The following PHF14 variants were observed in gnomAD, a reference collection of about 807,000 sequenced individuals.
PHF14 encodes PHD finger protein 14.
In PHF14, 55 loss-of-function variants were observed where a neutral mutation model predicts 117.9. The ratio of observed to expected loss-of-function variants is 0.47; its 90% CI spans 0.38 to 0.58. The LOEUF (loss-of-function observed/expected upper bound fraction) is 0.58, where lower values mean the gene tolerates loss of function less well. Among genes scored for constraint, PHF14 ranks in the 20% least tolerant of loss-of-function variants. The pLI is 0.00. For synonymous variants in PHF14, 409 were observed against 368.6 expected, an observed-to-expected ratio of 1.11 and a Z score of -1.26; for missense variants, 978 against 1,122.2, an observed-to-expected ratio of 0.87 and a Z score of 1.84.
intron 4 of PHF14, among the ~76,000 whole-genome samples, chr7:11,009,283 C>G (rs1783253447): frequency 1.3e-5 from 2 of 152,036 alleles, no homozygotes; most frequent in Non-Finnish European, 2.9e-5. Context: ...GTCCACTGGC[C>G]CCTGTGTGAA....
chr7:11,007,311 C>T (rs985155296), intron 4 of PHF14, among the ~76,000 whole-genome samples: 2 of 151,596 alleles, frequency 1.3e-5, no homozygotes, highest in Admixed American at 6.6e-5. Flanking sequence ...CAAATATTTT[C>T]CATCCTTGCA....
intron 4 of PHF14, among the ~76,000 whole-genome samples, chr7:11,011,049 A>G (rs1273529218): frequency 6.6e-6 from 1 of 152,230 alleles, no homozygotes; most frequent in African/African-American, 2.4e-5. Context: ...TGTGTAAGTC[A>G]TAGCTGCAAA....
intron 4 of PHF14, among the ~76,000 whole-genome samples, chr7:11,009,729 C>A (rs574355256): frequency 6.6e-6 from 1 of 152,268 alleles, no homozygotes; most frequent in South Asian, 2.1e-4. Flanking sequence ...GTAAAGAACT[C>A]TATAAAGGTA....
At chr7:10,976,389 A>G (rs1320157336) in intron 2 of PHF14, among the ~76,000 whole-genome samples, 1 of 152,176 alleles carries the variant, frequency 6.6e-6, no homozygotes, top group Non-Finnish European at 1.5e-5. Context: ...TTGGCAGATA[A>G]GAATATTCCT....
chr7:11,049,474 CAAAAA>C (rs11342926), intron 13 of PHF14, among the ~76,000 whole-genome samples: 1 of 110,376 alleles, frequency 9.1e-6, no homozygotes. Context: ...GACTGTCTCT[CAAAAA>C]AAAAAAAAAA....
Position 11,051,774 on chromosome 7 carries a change from A to G in PHF14, c.2475A>G (p.Arg825=). 6.2e-7 allele frequency: 1 copy of G among 1,612,930 alleles called. No individual in the cohort carries two copies. Among genetic ancestry groups the G allele is most frequent in the Non-Finnish European group, 8.5e-7 (1 of 1,179,278 alleles). ...CAGAACCCAAGAAGATTCCGATAAG[A>G]AACACGGTAGTTTATTTTTTATTTA... ...VPPEPKKIPI[R]NTRTRGRKRS... The change falls in exon 14 of 18, where the codon AGA becomes AGG. Residue 825 remains arginine (R), a synonymous_variant. Coordinates refer to ENST00000634607, the MANE Select transcript of PHF14 (RefSeq NM_001007157.2).
At chr7:11,100,068 A>G (rs1350866072) in intron 16 of PHF14, among the ~76,000 whole-genome samples, 1 of 152,032 alleles carries the variant, frequency 6.6e-6, no homozygotes, top group Non-Finnish European at 1.5e-5. Context: ...TGAAAAGCCA[A>G]CTATATTGTT....
intron 17 of PHF14, among the ~76,000 whole-genome samples, chr7:11,121,429 A>T (rs1157088686): frequency 6.6e-6 from 1 of 152,182 alleles, no homozygotes; most frequent in Non-Finnish European, 1.5e-5. Flanking sequence ...TCTTTTAGAA[A>T]GGTAGACTCT....
intron 17 of PHF14, among the ~76,000 whole-genome samples, chr7:11,143,868 A>G (rs1191568683): frequency 6.6e-6 from 1 of 152,166 alleles, no homozygotes; most frequent in East Asian, 1.9e-4. Flanking sequence ...CCAAAAATTG[A>G]CAAATGGAAC....
intron 17 of PHF14, among the ~76,000 whole-genome samples, chr7:11,136,968 C>T (rs897363203): frequency 6.6e-6 from 1 of 152,164 alleles, no homozygotes; most frequent in Non-Finnish European, 1.5e-5. Flanking sequence ...GAAATAACCA[C>T]TACTAACATT....
intron 14 of PHF14, among the ~76,000 whole-genome samples, chr7:11,052,370 C>T (rs1274773752): frequency 3.9e-5 from 6 of 151,974 alleles, no homozygotes; most frequent in African/African-American, 1.4e-4. Flanking sequence ...AGATTATTAC[C>T]TAGTTTTTCT....
chr7:11,155,485 C>A lies in PHF14; in HGVS notation c.2773-13931C>A, dbSNP rs115073334. ...TTCTCACTGGGCTTTGGCTGACTTA[C>A]CCTTCCCACTGTTCCCTTTACTTAG... On this transcript the variant is annotated intron_variant, in intron 17 of 17. Coordinates refer to ENST00000634607, the MANE Select transcript of PHF14 (RefSeq NM_001007157.2). Among the ~76,000 whole-genome samples, 872 of 152,308 alleles carry A rather than the reference C, an allele frequency of 5.7e-3. 9 individuals carry two copies. The highest frequency in any genetic ancestry group is 0.02 in the African/African-American group (845 of 41,574).
rs954487172 is a variant in PHF14, at chr7:11,103,438, A to T, written c.2655-7912A>T. ...AGCTGAAAGAAAGATCTTCATCAACATCTGTATCTTTCCAGAGGTATACAG... is the reference window on the plus strand; with the variant it reads ...AGCTGAAAGAAAGATCTTCATCAACTTCTGTATCTTTCCAGAGGTATACAG... On this transcript the variant is annotated intron_variant, in intron 16 of 17. Transcript: ENST00000634607. The T allele has an allele frequency of 1.4e-5, 14 of 981,430 alleles. No homozygotes were observed. The East Asian group carries it at 3.4e-4, about 24-fold the overall frequency. The allele number at this position is 981,430 out of a possible 1,614,324, so 60.8% of individuals were successfully genotyped here. A position where few individuals can be genotyped will look rare whatever the true frequency, so the allele number is the denominator to read the frequency against.
At chr7:11,003,500 A>G (rs1782955779) in intron 4 of PHF14, among the ~76,000 whole-genome samples, 1 of 152,284 alleles carries the variant, frequency 6.6e-6, no homozygotes, top group African/African-American at 2.4e-5. Context: ...TATTGTGTAT[A>G]TTTCAGGTAT....
At chr7:11,156,867 T>C (rs1026468435) in intron 17 of PHF14, among the ~76,000 whole-genome samples, 3 of 152,190 alleles carry the variant, frequency 2.0e-5, no homozygotes, top group African/African-American at 4.8e-5. Context: ...GTCCTTGATG[T>C]TGAGTTTATG....
intron 17 of PHF14, among the ~76,000 whole-genome samples, chr7:11,166,186 A>C (rs1276010684): frequency 6.6e-6 from 1 of 152,178 alleles, no homozygotes; most frequent in African/African-American, 2.4e-5. Context: ...AGTAGCCTCA[A>C]AGGATACATT....
intron 16 of PHF14, chr7:11,104,434 T>A (rs934886094): frequency 2.1e-6 from 2 of 959,338 alleles, no homozygotes; most frequent in African/African-American, 3.5e-5. Context: ...AATTATTCCG[T>A]GTCCATAATC....
At chr7:11,128,707 C>T (rs118150047) in intron 17 of PHF14, among the ~76,000 whole-genome samples, 2,699 of 151,668 alleles carry the variant, frequency 0.018, 32 homozygotes, top group Middle Eastern at 0.041. Flanking sequence ...TCTCCCCCCG[C>T]CCCCACTGCT....
chr7:11,086,980 A>G (rs1330134296), intron 16 of PHF14, among the ~76,000 whole-genome samples: 1 of 152,088 alleles, frequency 6.6e-6, no homozygotes. Context: ...AGTTTTTGCT[A>G]ATTTTTACGT....
Sources: gnomAD v4.1 joint callset for allele counts (sites outside exome capture counted in the v4.1 genomes callset) on GRCh38, gnomAD v4.1.1 for gene constraint, MANE v1.5 for transcripts, NCBI Gene and HGNC (gene_info 2026-07-23, HGNC 2026-07-21) for gene names.